The following NSUN2 variants were observed in gnomAD, a reference collection of about 807,000 sequenced individuals.
The protein encoded by NSUN2 is NOP2/Sun RNA methyltransferase 2.
NSUN2 carries 63 observed loss-of-function variants against 92.7 expected under a neutral mutation model. The ratio of observed to expected loss-of-function variants is 0.68; its 90% confidence interval spans 0.56 to 0.84. NSUN2 has a LOEUF of 0.84. Among genes scored for constraint, NSUN2 ranks in the 40% least tolerant of loss-of-function variants. The pLI, the probability that NSUN2 is intolerant of heterozygous loss-of-function variation, is 0.00. For missense variants in NSUN2, 989 were observed against 964.9 expected, an observed-to-expected ratio of 1.02 and a Z score of -0.33; for synonymous variants, 356 against 348.3, an observed-to-expected ratio of 1.02 and a Z score of -0.25.
chr5:6,624,342 A>T (rs1168409123), intron 4 of NSUN2, among the ~76,000 whole-genome samples: 1 of 152,166 alleles, frequency 6.6e-6, no homozygotes, highest in East Asian at 1.9e-4. Flanking sequence ...AGCTTTCCAT[A>T]ACCCAGAGGT....
rs746142475 is a variant in NSUN2, at chr5:6,600,063, C to T, written c.2167G>A (p.Ala723Thr). 3 of 1,614,254 alleles carry T rather than the reference C, an allele frequency of 1.9e-6. No homozygotes were observed. Among genetic ancestry groups the T allele is most frequent in the Non-Finnish European group, 2.5e-6 (3 of 1,180,050 alleles). The change falls in exon 19 of 19, where the codon GCC (alanine) becomes ACC (threonine). Residue 723 changes from alanine (A) to threonine (T), a missense_variant. This residue lies in a region of NSUN2 where 626 missense variants were observed against 602.3 expected (regional missense o/e 1.04). Coordinates refer to ENST00000264670, the MANE Select transcript of NSUN2 (RefSeq NM_017755.6). ...EGVILTNESA[A>T]STGQPDNDVT... ...TCATTGTCTGGCTGTCCGGTGCTGG[C>T]TGCACTCTCATTTGTGAGGATAACC...
At chr5:6,611,497 A>C (rs1454101103) in intron 10 of NSUN2, among the ~76,000 whole-genome samples, 1 of 150,742 alleles carries the variant, frequency 6.6e-6, no homozygotes, top group Non-Finnish European at 1.5e-5. Flanking sequence ...TGAGAGTAAA[A>C]GAGTTTATTT....
In NSUN2 at chr5:6,632,998, C is replaced by A. The variant is rs1459193737; in HGVS notation, c.-19G>T. The A allele has an allele frequency of 7.0e-7, 1 of 1,431,108 alleles. No individual in the cohort carries two copies. The highest frequency in any genetic ancestry group is 9.1e-7 in the Non-Finnish European group (1 of 1,103,892). The allele number at this position is 1,431,108 out of a possible 1,614,324, so 88.7% of individuals were successfully genotyped here. A position where few individuals can be genotyped will look rare whatever the true frequency, so the allele number is the denominator to read the frequency against. On this transcript the variant is annotated 5_prime_UTR_variant, in exon 1 of 19. Transcript: ENST00000264670. Reference sequence around the variant, plus strand: ...GCCCCATAGCCCACGCGGCCGCGCACGCAGCACGCAGAAACCGGCCCGCCA... The same window carrying A: ...GCCCCATAGCCCACGCGGCCGCGCAAGCAGCACGCAGAAACCGGCCCGCCA...
chr5:6,613,430 C>T (rs956042139), intron 9 of NSUN2, among the ~76,000 whole-genome samples: 19 of 152,142 alleles, frequency 1.2e-4, no homozygotes, highest in African/African-American at 4.3e-4. Context: ...TTGAAATCTC[C>T]TATGTGGAGG....
At chr5:6,612,747 T>G (rs1737052967) in intron 9 of NSUN2, among the ~76,000 whole-genome samples, 1 of 152,228 alleles carries the variant, frequency 6.6e-6, no homozygotes, top group Non-Finnish European at 1.5e-5. Context: ...TAACAGTAAA[T>G]GACAGTGCAG....
At position 6,610,940 on chromosome 5, in the gene NSUN2, G is replaced by A. The variant is rs1400507934; in HGVS notation, c.1226+15C>T. On this transcript the variant is annotated intron_variant, in intron 11 of 18. Transcript: ENST00000264670. ...CCTTCCCCCCTCCCCACACCTGGAG[G>A]CCCCACCAGCTCACCATCGCTCCAG... 1.2e-6 allele frequency: 2 copies of A among 1,613,670 alleles called. No homozygotes were observed. The highest frequency in any genetic ancestry group is 1.1e-5 in the South Asian group (1 of 91,020).
At chr5:6,628,736 A>T (rs193298695) in intron 3 of NSUN2, among the ~76,000 whole-genome samples, 1 of 152,326 alleles carries the variant, frequency 6.6e-6, no homozygotes, top group Non-Finnish European at 1.5e-5. Flanking sequence ...TGTTTAGAGA[A>T]TACAGCTGCC....
rs373746520 is a variant in NSUN2, at chr5:6,604,547, C to T, written c.1818+58G>A. 1.5e-4 allele frequency: 226 copies of T among 1,487,714 alleles called. 1 individual carries two copies. In the African/African-American group the frequency reaches 2.7e-3, roughly 18 times the overall value. The allele number at this position is 1,487,714 out of a possible 1,614,324, so 92.2% of individuals were successfully genotyped here. A position where few individuals can be genotyped will look rare whatever the true frequency, so the allele number is the denominator to read the frequency against. On this transcript the variant is annotated intron_variant, in intron 16 of 18. Coordinates refer to ENST00000264670, the MANE Select transcript of NSUN2 (RefSeq NM_017755.6). ...TCTGGCTGACCAGCAAGCCCATCTA[C>T]TCCCGACTGCTTCAGTCATCTGTGG...
Position 6,600,181 on chromosome 5 carries a change from C to T in NSUN2, c.2049G>A (p.Lys683=). The change falls in exon 19 of 19, where the codon AAG becomes AAA. Residue 683 remains lysine (K), a synonymous_variant. Transcript: ENST00000264670. The part of the protein sequence containing the change: ...CPIVLCGWRG[K]ASIRTFVPKN... ...TGGGCACAAAAGTTCGAATGGAGGC[C>T]TTTCCCCGCCATCCGCATAAGACGA... 1.2e-6 allele frequency: 2 copies of T among 1,614,216 alleles called. No homozygotes were observed. Among genetic ancestry groups the T allele is most frequent in the Non-Finnish European group, 1.7e-6 (2 of 1,180,034 alleles).
Position 6,632,894 on chromosome 5 carries a change from C to G in NSUN2, c.86G>C (p.Arg29Pro), listed in dbSNP as rs945705706. The G allele has an allele frequency of 6.5e-7, 1 of 1,530,984 alleles. No individual in the cohort carries two copies. Among genetic ancestry groups the G allele is most frequent in the African/African-American group, 1.4e-5 (1 of 72,144 alleles). The allele number at this position is 1,530,984 out of a possible 1,614,324, so 94.8% of individuals were successfully genotyped here. The change falls in exon 1 of 19, where the codon CGC becomes CCC. Residue 29 changes from arginine to proline, a missense_variant. Physicochemically the swap from Arg to Pro is moderately radical, Grantham distance 103. Coordinates refer to ENST00000264670, the MANE Select transcript of NSUN2 (RefSeq NM_017755.6). ...AEDGAEGGGK[R>P]GEAGWEGGYP... ...GGTCCCGGCTCCTACCGCCTCGCCGCGCTTTCCACCACCCTCGGCGCCATC... is the reference window on the plus strand; with the variant it reads ...GGTCCCGGCTCCTACCGCCTCGCCGGGCTTTCCACCACCCTCGGCGCCATC...
At chr5:6,631,216 G>A (rs1737874908) in intron 3 of NSUN2, among the ~76,000 whole-genome samples, 1 of 152,174 alleles carries the variant, frequency 6.6e-6, no homozygotes, top group African/African-American at 2.4e-5. Context: ...TTAACTGAAG[G>A]ACTGGCGCCT....
Position 6,632,694 on chromosome 5 carries a change from C to G in NSUN2, c.159G>C (p.Gln53His), listed in dbSNP as rs769877530. The part of the protein sequence containing the change: ...KENKLFEHYY[Q>H]ELKIVPEGEW... The stretch of plus-strand genomic sequence containing the variant: ...CGCCCTCGGGCACGATCTTGAGCTC[C>G]TGGTAGTAGTGCTCGAACAGCTTGT... Residue 53 changes from glutamine to histidine, a missense_variant, in exon 2 of 19, where the codon CAG becomes CAC. Physicochemically the swap from Gln to His is conservative, Grantham distance 24. Coordinates refer to ENST00000264670, the MANE Select transcript of NSUN2 (RefSeq NM_017755.6). 5 of 1,614,184 alleles carry G rather than the reference C, an allele frequency of 3.1e-6. No individual in the cohort carries two copies. Among genetic ancestry groups the G allele is most frequent in the East Asian group, 2.2e-5 (1 of 44,858 alleles).
Position 6,605,427 on chromosome 5 carries a change from T to C in NSUN2, c.1602-19A>G, listed in dbSNP as rs13171975. The stretch of plus-strand genomic sequence containing the variant: ...AAATTTCCTGTACATAACAACATTG[T>C]TGTTTATCCACAATGAGTTCAAAAT... On this transcript the variant is annotated intron_variant, in intron 14 of 18. Transcript: ENST00000264670. The C allele has an allele frequency of 0.033, 53,000 of 1,611,798 alleles. 1,071 individuals carry two copies. The highest frequency in any genetic ancestry group is 0.039 in the Non-Finnish European group (45,553 of 1,178,084).
chr5:6,605,712 TTTTG>T (rs1282246711), intron 14 of NSUN2, among the ~76,000 whole-genome samples: 2 of 152,024 alleles, frequency 1.3e-5, no homozygotes, highest in Non-Finnish European at 2.9e-5. Flanking sequence ...TTTTTTTTTT[TTTTG>T]ATATGGAGTC....
rs369982318 is a variant in NSUN2, at chr5:6,628,931, G to A, written c.359+2942C>T. 6.4e-4 allele frequency among the ~76,000 whole-genome samples: 97 copies of A among 152,318 alleles called. 1 individual carries two copies. Among genetic ancestry groups the A allele is most frequent in the African/African-American group, 2.2e-3 (93 of 41,582 alleles). Reference sequence around the variant, plus strand: ...GTGGTGGCATGCACCTGTAGTCCGAGCTACTCAGGAGGCTGAGGTGGGAGG... The same window carrying A: ...GTGGTGGCATGCACCTGTAGTCCGAACTACTCAGGAGGCTGAGGTGGGAGG... On this transcript the variant is annotated intron_variant, in intron 3 of 18. Transcript: ENST00000264670.
At chr5:6,607,461 G>A (rs1243517600) in intron 12 of NSUN2, 77 bp from the exon 13 acceptor site, 7 of 1,231,510 alleles carry the variant, frequency 5.7e-6, no homozygotes, top group South Asian at 1.5e-5. Context: ...AAAATACCAC[G>A]TTCACAAAAT....
chr5:6,608,567 C>T (rs750513270), intron 12 of NSUN2, among the ~76,000 whole-genome samples: 18 of 152,190 alleles, frequency 1.2e-4, no homozygotes, highest in African/African-American at 3.9e-4. Context: ...ATTATTTAAA[C>T]GAGAAAATGA....
chr5:6,620,749 G>A (rs1672776724), intron 6 of NSUN2: 1 of 152,896 alleles, frequency 6.5e-6, no homozygotes, highest in Non-Finnish European at 1.5e-5. Flanking sequence ...CTCTTCCCGG[G>A]AGGCTCTGCA....
At chr5:6,603,349 G>T (rs1015326205) in intron 17 of NSUN2, among the ~76,000 whole-genome samples, 5 of 152,230 alleles carry the variant, frequency 3.3e-5, no homozygotes, top group African/African-American at 1.2e-4. Flanking sequence ...TAACACAGGT[G>T]ATTAAAATCT....
Sources: allele counts gnomAD v4.1 joint callset (sites outside exome capture counted in the v4.1 genomes callset), GRCh38; gene constraint gnomAD v4.1.1; regional missense constraint gnomAD v4.1.1; transcripts MANE v1.5; gene names NCBI Gene and HGNC (gene_info 2026-07-23, HGNC 2026-07-21).